The following TCF12 variants were observed in gnomAD, a reference collection of about 807,000 sequenced individuals.
TCF12 encodes the protein transcription factor 12.
In TCF12, 45 loss-of-function variants were observed where a neutral mutation model predicts 86.0. That is an observed-to-expected ratio of 0.52 (90% CI 0.41 to 0.67). The LOEUF (loss-of-function observed/expected upper bound fraction) is 0.67, where lower values mean the gene tolerates loss of function less well. TCF12 is among the 30% of genes least tolerant of loss of function. The pLI is 0.00. For synonymous variants in TCF12, 330 were observed against 299.6 expected, an observed-to-expected ratio of 1.10 and a Z score of -1.05; for missense variants, 881 against 859.9, an observed-to-expected ratio of 1.02 and a Z score of -0.31.
At chr15:56,935,039 A>G (rs1294502923) in intron 3 of TCF12, among the ~76,000 whole-genome samples, 3 of 152,224 alleles carry the variant, frequency 2.0e-5, no homozygotes, top group African/African-American at 7.2e-5. Context: ...TAGGTGAAAC[A>G]GCAAAACTAA....
At chr15:56,950,745 G>GTTTTTT (rs71113040) in intron 3 of TCF12, among the ~76,000 whole-genome samples, 2 of 85,920 alleles carry the variant, frequency 2.3e-5, no homozygotes, top group African/African-American at 5.2e-5. Flanking sequence ...TTATGACCAT[G>GTTTTTT]TTTTTTTTTT....
At chr15:57,187,297 A>G (rs1281292915) in intron 6 of TCF12, among the ~76,000 whole-genome samples, 2 of 152,162 alleles carry the variant, frequency 1.3e-5, no homozygotes, top group African/African-American at 4.8e-5. Context: ...CAAAAAACCC[A>G]CAGCTAATAT....
At chr15:56,960,840 T>C (rs2061715535) in intron 3 of TCF12, among the ~76,000 whole-genome samples, 1 of 152,086 alleles carries the variant, frequency 6.6e-6, no homozygotes, top group Non-Finnish European at 1.5e-5. Context: ...AGAATTAGTT[T>C]AAAAAATTAA....
chr15:56,981,593 C>A (rs1318822704), intron 3 of TCF12, among the ~76,000 whole-genome samples: 1 of 152,112 alleles, frequency 6.6e-6, no homozygotes, highest in East Asian at 1.9e-4. Context: ...CACTTATATA[C>A]AATTGGTCTT....
At chr15:57,233,755 G>C (rs1195449501) in intron 11 of TCF12, among the ~76,000 whole-genome samples, 21 of 152,202 alleles carry the variant, frequency 1.4e-4, no homozygotes, top group Admixed American at 1.4e-3. Context: ...GGGATTACAG[G>C]CATGAGCCAC....
At position 57,076,619 on chromosome 15, in the gene TCF12, C is replaced by G. The variant is rs145331006; in HGVS notation, c.222+12796C>G. Among the ~76,000 whole-genome samples, 1,130 of 150,772 alleles carry G rather than the reference C, an allele frequency of 7.5e-3. 6 individuals carry two copies. Among genetic ancestry groups the G allele is most frequent in the Middle Eastern group, 0.021 (6 of 292 alleles). ...AGTGAGCCGAGATCGCGCCACTGCA[C>G]TCCAGCCTGGCTCTGTCTCAAAAAA... On this transcript the variant is annotated intron_variant, in intron 4 of 20. Transcript: ENST00000333725.
intron 18 of TCF12, 52 bp from the exon 19 acceptor site, chr15:57,272,978 T>C: frequency 6.6e-7 from 1 of 1,518,870 alleles, no homozygotes; most frequent in Non-Finnish European, 9.1e-7. Flanking sequence ...ACAATCAGCA[T>C]ATCTTACTTT....
At position 57,277,139 on chromosome 15, in the gene TCF12, A is replaced by G. The variant is rs376237173; in HGVS notation, c.1978+3877A>G. 5.3e-4 allele frequency among the ~76,000 whole-genome samples: 80 copies of G among 152,212 alleles called. 1 individual carries two copies. The highest frequency in any genetic ancestry group is 1.9e-3 in the African/African-American group (78 of 41,548). ...CCTAGAATTCTATACCTTGCCAGAC[A>G]ATTAATCAAAAGATGGATATAGAAT... On this transcript the variant is annotated intron_variant, in intron 19 of 20. Transcript: ENST00000333725.
chr15:56,920,614 G>C (rs916550802), intron 2 of TCF12, among the ~76,000 whole-genome samples: 1 of 151,902 alleles, frequency 6.6e-6, no homozygotes, highest in African/African-American at 2.4e-5. Context: ...CTGCTGTTAG[G>C]AGGCAGCACC....
intron 8 of TCF12, among the ~76,000 whole-genome samples, chr15:57,230,899 TA>T (rs749820818): frequency 3.3e-5 from 5 of 151,720 alleles, no homozygotes; most frequent in Non-Finnish European, 7.4e-5. Flanking sequence ...GTAACTGTCA[TA>T]CCAAGATGCA....
intron 3 of TCF12, among the ~76,000 whole-genome samples, chr15:56,926,075 G>A (rs1482522786): frequency 6.6e-6 from 1 of 152,226 alleles, no homozygotes; most frequent in African/African-American, 2.4e-5. Context: ...GTTTTGGGAG[G>A]CTGAGGCAGG....
At chr15:57,246,703 TATACATCTTACTGACACTAC>T (rs1426527919) in intron 13 of TCF12, among the ~76,000 whole-genome samples, 31 of 152,146 alleles carry the variant, frequency 2.0e-4, no homozygotes, top group African/African-American at 7.5e-4. Flanking sequence ...ACCTCAGGAA[TATACATCTTACTGACACTAC>T]ATTGCATTAG....
intron 3 of TCF12, among the ~76,000 whole-genome samples, chr15:56,943,275 C>A (rs2060858258): frequency 6.6e-6 from 1 of 152,048 alleles, no homozygotes; most frequent in Admixed American, 6.6e-5. Flanking sequence ...CTGTGATTTT[C>A]TAAAATATGT....
chr15:56,932,609 C>T (rs2060297190), intron 3 of TCF12, among the ~76,000 whole-genome samples: 2 of 151,926 alleles, frequency 1.3e-5, no homozygotes, highest in Admixed American at 6.6e-5. Flanking sequence ...GGCTCTGTCG[C>T]CCAGGCTGGA....
intron 5 of TCF12, among the ~76,000 whole-genome samples, chr15:57,126,618 G>A (rs2051672234): frequency 2.0e-5 from 3 of 152,110 alleles, no homozygotes; most frequent in South Asian, 4.1e-4. Flanking sequence ...TGGCTCCTTA[G>A]TTAGATTCCA....
chr15:56,972,794 C>T (rs1272822529), intron 3 of TCF12, among the ~76,000 whole-genome samples: 1 of 152,016 alleles, frequency 6.6e-6, no homozygotes, highest in Non-Finnish European at 1.5e-5. Context: ...TAGACTAAAG[C>T]AGAGACAAAT....
At chr15:57,175,336 T>A (rs2055833347) in intron 6 of TCF12, among the ~76,000 whole-genome samples, 1 of 152,128 alleles carries the variant, frequency 6.6e-6, no homozygotes, top group African/African-American at 2.4e-5. Flanking sequence ...CCAGCCTGGG[T>A]GACAGAGCGA....
At chr15:56,985,298 C>G (rs796115316) in intron 3 of TCF12, among the ~76,000 whole-genome samples, 2 of 152,046 alleles carry the variant, frequency 1.3e-5, no homozygotes, top group African/African-American at 4.8e-5. Context: ...AGAGGAAGTA[C>G]AAAGAATGAG....
At chr15:57,264,631 A>C (rs954874469) in intron 18 of TCF12, among the ~76,000 whole-genome samples, 7 of 152,206 alleles carry the variant, frequency 4.6e-5, no homozygotes, top group Admixed American at 3.9e-4. Flanking sequence ...CAAGATCATT[A>C]ATATCACTGT....
Sources: gnomAD v4.1 joint callset for allele counts (sites outside exome capture counted in the v4.1 genomes callset) on GRCh38, gnomAD v4.1.1 for gene constraint, MANE v1.5 for transcripts, NCBI Gene and HGNC (gene_info 2026-07-23, HGNC 2026-07-21) for gene names.